Variants in CD2AP observed in about 807,000 individuals in gnomAD.
CD2AP encodes the protein CD2-associated protein.
Under a neutral mutation model 85.1 loss-of-function variants are expected in CD2AP, and 46 were observed. That is an observed-to-expected ratio of 0.54 (90% CI 0.43 to 0.69). CD2AP has a LOEUF of 0.69. CD2AP is among the 30% of genes least tolerant of loss of function. CD2AP has a pLI of 0.00. For synonymous variants in CD2AP, 255 were observed against 252.9 expected (o/e 1.01, Z -0.08); for missense variants, 769 against 729.5 (o/e 1.05, Z -0.62).
chr6:47,515,296 ATAAAT>A (rs1356253714), intron 2 of CD2AP, among the ~76,000 whole-genome samples: 1 of 152,226 alleles, frequency 6.6e-6, no homozygotes, highest in African/African-American at 2.4e-5. Flanking sequence ...AAACTATTTA[ATAAAT>A]TAATCTGAAT....
intron 5 of CD2AP, among the ~76,000 whole-genome samples, chr6:47,558,854 G>T (rs1323309644): frequency 1.3e-5 from 2 of 152,164 alleles, no homozygotes; most frequent in Admixed American, 1.3e-4. Flanking sequence ...AGTTACGGAG[G>T]AGTCCTTTTT....
chr6:47,490,202 T>TA (rs1307635456), intron 1 of CD2AP, among the ~76,000 whole-genome samples: 1 of 152,174 alleles, frequency 6.6e-6, no homozygotes, highest in Non-Finnish European at 1.5e-5. Flanking sequence ...AGGCTGGTCT[T>TA]AAACTCTTGG....
chr6:47,496,470 G>T (rs974925682), intron 1 of CD2AP, among the ~76,000 whole-genome samples: 2 of 151,976 alleles, frequency 1.3e-5, no homozygotes, highest in Non-Finnish European at 2.9e-5. Context: ...TTACCATATG[G>T]CATTTTCTCT....
chr6:47,606,064 A>C, intron 13 of CD2AP, 101 bp from the exon 14 acceptor site: 1 of 684,172 alleles, frequency 1.5e-6, no homozygotes, highest in Non-Finnish European at 2.6e-6. Flanking sequence ...AAGTAGTGGT[A>C]CTCTTTTTAA....
At chr6:47,576,179 A>G (rs1768305747) in intron 6 of CD2AP, among the ~76,000 whole-genome samples, 1 of 152,192 alleles carries the variant, frequency 6.6e-6, no homozygotes, top group South Asian at 2.1e-4. Context: ...GGTTTCATGC[A>G]GTTCTCCTGC....
Position 47,503,404 on chromosome 6 carries a change from T to G in CD2AP, c.129T>G (p.Asn43Lys), listed in dbSNP as rs769243431. ...QEEGWLEGEL[N>K]GRRGMFPDNF... is the part of the protein sequence containing the mutation. ...AAGGGTGGCTGGAAGGAGAACTAAA[T>G]GGGAGAAGAGGAATGTTCCCTGACA... The change falls in exon 2 of 18, where the codon AAT becomes AAG. Residue 43 changes from asparagine to lysine, a missense_variant. Coordinates refer to ENST00000359314, the MANE Select transcript of CD2AP (RefSeq NM_012120.3). The G allele has an allele frequency of 3.1e-6, 5 of 1,613,910 alleles. No homozygotes were observed. The East Asian group carries it at 6.7e-5, about 22-fold the overall frequency.
intron 3 of CD2AP, among the ~76,000 whole-genome samples, chr6:47,539,342 CTCT>C (rs1440454229): frequency 6.6e-6 from 1 of 152,158 alleles, no homozygotes; most frequent in Non-Finnish European, 1.5e-5. Flanking sequence ...TATATTGAAG[CTCT>C]TCTTTAGGTA....
At chr6:47,495,586 A>G (rs1338094983) in intron 1 of CD2AP, among the ~76,000 whole-genome samples, 2 of 152,150 alleles carry the variant, frequency 1.3e-5, no homozygotes, top group Non-Finnish European at 2.9e-5. Context: ...TAGGTAATAA[A>G]TAGATCTCGT....
At chr6:47,550,743 C>T (rs1357296303) in intron 4 of CD2AP, among the ~76,000 whole-genome samples, 1 of 152,172 alleles carries the variant, frequency 6.6e-6, no homozygotes, top group Non-Finnish European at 1.5e-5. Flanking sequence ...ATGTTTATAG[C>T]AGCACAGTTC....
chr6:47,553,742 T>A (rs1767596379), intron 4 of CD2AP, among the ~76,000 whole-genome samples: 1 of 152,108 alleles, frequency 6.6e-6, no homozygotes, highest in Non-Finnish European at 1.5e-5. Flanking sequence ...TTATTAAATA[T>A]TAAAAATTTC....
chr6:47,556,131 A>T (rs1467501478), intron 5 of CD2AP, among the ~76,000 whole-genome samples: 1 of 149,674 alleles, frequency 6.7e-6, no homozygotes, highest in African/African-American at 2.5e-5. Context: ...ACATAGGTAT[A>T]CATGTGCCAT....
chr6:47,570,398 A>G (rs956970133), intron 5 of CD2AP, among the ~76,000 whole-genome samples: 1 of 152,172 alleles, frequency 6.6e-6, no homozygotes, highest in African/African-American at 2.4e-5. Flanking sequence ...ATAGCAATTC[A>G]AGGACAATCA....
At chr6:47,583,235 T>C (rs1768529816) in intron 11 of CD2AP, among the ~76,000 whole-genome samples, 1 of 152,218 alleles carries the variant, frequency 6.6e-6, no homozygotes. Flanking sequence ...GGCATATTTG[T>C]TAAAATCAGT....
At chr6:47,611,760 C>T (rs1455681700) in intron 16 of CD2AP, among the ~76,000 whole-genome samples, 3 of 151,874 alleles carry the variant, frequency 2.0e-5, no homozygotes, top group African/African-American at 7.2e-5. Context: ...CGATTCCTTC[C>T]ACTCCTTCTG....
At chr6:47,528,975 C>A (rs1766799693) in intron 2 of CD2AP, among the ~76,000 whole-genome samples, 1 of 152,104 alleles carries the variant, frequency 6.6e-6, no homozygotes, top group Non-Finnish European at 1.5e-5. Flanking sequence ...GATACGTTTG[C>A]TTTCTTAGTG....
intron 4 of CD2AP, among the ~76,000 whole-genome samples, chr6:47,548,761 T>C (rs564160565): frequency 6.6e-6 from 1 of 152,186 alleles, no homozygotes; most frequent in Admixed American, 6.5e-5. Flanking sequence ...AAAAGAAAAC[T>C]ACAGACCAAT....
intron 2 of CD2AP, among the ~76,000 whole-genome samples, chr6:47,526,267 G>C (rs186499690): frequency 6.6e-6 from 1 of 152,244 alleles, no homozygotes; most frequent in Admixed American, 6.5e-5. Context: ...TGTGTTTCTA[G>C]TAGTAAGGGA....
intron 5 of CD2AP, among the ~76,000 whole-genome samples, chr6:47,555,804 AT>A (rs35797696): frequency 2.0e-5 from 3 of 149,912 alleles, no homozygotes; most frequent in African/African-American, 2.4e-5. Flanking sequence ...AACAGGAATA[AT>A]TTTTTTTTTA....
chr6:47,497,881 C>T (rs967543644), intron 1 of CD2AP, among the ~76,000 whole-genome samples: 8 of 152,308 alleles, frequency 5.3e-5, no homozygotes, highest in South Asian at 2.1e-4. Context: ...CAGATACCTC[C>T]TAGAACTTTT....
Sources: allele counts gnomAD v4.1 joint callset (sites outside exome capture counted in the v4.1 genomes callset), GRCh38; gene constraint gnomAD v4.1.1; transcripts MANE v1.5; gene names NCBI Gene and HGNC (gene_info 2026-07-23, HGNC 2026-07-21).